The following PAK2 variants were observed in gnomAD, a reference collection of about 807,000 sequenced individuals.
The protein encoded by PAK2 is serine/threonine-protein kinase PAK 2.
PAK2 carries 21 observed loss-of-function variants against 65.9 expected under a neutral mutation model. The observed-to-expected ratio is 0.32, with a 90% CI of 0.23 to 0.46. The LOEUF (loss-of-function observed/expected upper bound fraction) is 0.46. PAK2 is among the 20% of genes least tolerant of loss of function. The pLI is 1.00. For missense variants in PAK2, 324 were observed against 642.6 expected (o/e 0.50, Z 5.36); for synonymous variants, 204 against 219.7 (o/e 0.93, Z 0.63).
intron 1 of PAK2, among the ~76,000 whole-genome samples, chr3:196,775,670 C>T (rs557523962): frequency 2.6e-5 from 4 of 152,030 alleles, no homozygotes; most frequent in Admixed American, 6.6e-5. Context: ...CGTGAGCCAC[C>T]GAAGGATAAC....
At chr3:196,762,839 T>A (rs1714031225) in intron 1 of PAK2, among the ~76,000 whole-genome samples, 1 of 151,730 alleles carries the variant, frequency 6.6e-6, no homozygotes, top group African/African-American at 2.4e-5. Flanking sequence ...GGTGACTGAA[T>A]TTCAAGGAAG....
intron 2 of PAK2, chr3:196,784,865 T>A (rs1368772948): frequency 6.6e-6 from 1 of 151,822 alleles, no homozygotes; most frequent in Non-Finnish European, 1.5e-5. Context: ...TGTTCCTATT[T>A]CTCCACATCC....
In PAK2 at chr3:196,765,209, G is replaced by A. The variant is rs199841614; in HGVS notation, c.-21-17417G>A. ...GTCACCCAGACTGGAGTGCAGTGGC[G>A]TGATCTCAGCTCACTGCAACCTTTG... is the stretch of plus-strand genomic sequence containing the variant. On this transcript the variant is annotated intron_variant, in intron 1 of 14. Transcript: ENST00000327134. Among the ~76,000 whole-genome samples, 10 of 146,254 alleles carry A rather than the reference G, an allele frequency of 6.8e-5. No individual in the cohort carries two copies. The East Asian group carries it at 1.4e-3, about 21-fold the overall frequency.
At chr3:196,807,093 G>C (rs1369471460) in intron 6 of PAK2, among the ~76,000 whole-genome samples, 2 of 152,072 alleles carry the variant, frequency 1.3e-5, no homozygotes, top group Non-Finnish European at 2.9e-5. Flanking sequence ...TCATTCAAAA[G>C]GCAGTTGAGA....
At chr3:196,823,279 C>A (rs192490437) in intron 13 of PAK2, among the ~76,000 whole-genome samples, 3 of 152,090 alleles carry the variant, frequency 2.0e-5, no homozygotes, top group Non-Finnish European at 4.4e-5. Context: ...AAAAGACTAA[C>A]GGGATCTGTT....
At chr3:196,742,946 T>G (rs1327645547) in intron 1 of PAK2, among the ~76,000 whole-genome samples, 1 of 152,144 alleles carries the variant, frequency 6.6e-6, no homozygotes, top group Non-Finnish European at 1.5e-5. Flanking sequence ...AAAAAGAAAC[T>G]GGGTCAACTT....
chr3:196,770,291 T>G (rs1194702508), intron 1 of PAK2, among the ~76,000 whole-genome samples: 1 of 151,982 alleles, frequency 6.6e-6, no homozygotes, highest in Non-Finnish European at 1.5e-5. Context: ...TTTGTCCTTT[T>G]GTGTTTGGCT....
intron 13 of PAK2, among the ~76,000 whole-genome samples, chr3:196,823,338 G>A (rs1485478172): frequency 6.6e-6 from 1 of 152,110 alleles, no homozygotes; most frequent in African/African-American, 2.4e-5. Context: ...AGTCTTACAG[G>A]GCTGCGTCTA....
chr3:196,806,112 C>T (rs986122991), intron 5 of PAK2, among the ~76,000 whole-genome samples: 7 of 151,674 alleles, frequency 4.6e-5, no homozygotes, highest in African/African-American at 1.2e-4. Context: ...GGGGTTTTAC[C>T]GTGTTAGCCA....
At chr3:196,803,604 G>A (rs1004782600) in intron 4 of PAK2, among the ~76,000 whole-genome samples, 3 of 152,110 alleles carry the variant, frequency 2.0e-5, no homozygotes, top group Non-Finnish European at 2.9e-5. Flanking sequence ...ATTGAAACTC[G>A]CAAGTGTGCA....
At chr3:196,747,868 C>CA (rs1713442036) in intron 1 of PAK2, among the ~76,000 whole-genome samples, 1 of 152,128 alleles carries the variant, frequency 6.6e-6, no homozygotes, top group Non-Finnish European at 1.5e-5. Context: ...AGCTTGTTCT[C>CA]ACGTTGGGAC....
chr3:196,798,554 A>C (rs1189661321), intron 2 of PAK2, among the ~76,000 whole-genome samples: 1 of 151,926 alleles, frequency 6.6e-6, no homozygotes, highest in Non-Finnish European at 1.5e-5. Context: ...ATGTTGGCCA[A>C]GCTGGTCTTG....
chr3:196,770,385 A>G (rs1714323340), intron 1 of PAK2, among the ~76,000 whole-genome samples: 1 of 151,862 alleles, frequency 6.6e-6, no homozygotes. Flanking sequence ...GTATGGTGGC[A>G]TGTACCTGTA....
In PAK2 at chr3:196,802,860, G is replaced by A. The variant is rs1468160795; in HGVS notation, c.289-157G>A. 2.0e-5 allele frequency among the ~76,000 whole-genome samples: 3 copies of A among 151,846 alleles called. No homozygotes were observed. The East Asian group carries it at 5.8e-4, about 29-fold the overall frequency. On this transcript the variant is annotated intron_variant, in intron 3 of 14. Coordinates refer to ENST00000327134, the MANE Select transcript of PAK2 (RefSeq NM_002577.4). ...GACTCTGTCTCAAAAAAAGAAAAAA[G>A]AAAAAATAGACCTTTAGAAAATGAG...
Position 196,757,088 on chromosome 3 carries a change from T to C in PAK2, c.-22+16931T>C, listed in dbSNP as rs145122202. On this transcript the variant is annotated intron_variant, in intron 1 of 14. Coordinates refer to ENST00000327134, the MANE Select transcript of PAK2 (RefSeq NM_002577.4). ...ACTGCACTGTCTAAGCTAATTCCGA[T>C]TGGCTATTTTAAAGAGACCAGGGGG... Among the ~76,000 whole-genome samples, 208 of 152,264 alleles carry C rather than the reference T, an allele frequency of 1.4e-3. 1 individual carries two copies. Among genetic ancestry groups the C allele is most frequent in the Non-Finnish European group, 7.9e-4 (54 of 68,020 alleles).
At chr3:196,781,120 G>A (rs1055920205) in intron 1 of PAK2, among the ~76,000 whole-genome samples, 1 of 152,010 alleles carries the variant, frequency 6.6e-6, no homozygotes, top group Non-Finnish European at 1.5e-5. Flanking sequence ...TTTTCTTCAG[G>A]TATAAGCATT....
chr3:196,814,581 CCTT>C lies in PAK2; in HGVS notation c.1053+17_1053+19del, dbSNP rs776075572. 6.8e-6 allele frequency: 7 copies of C among 1,023,480 alleles called. No individual in the cohort carries two copies. The highest frequency in any genetic ancestry group is 1.3e-5 in the South Asian group (1 of 76,338). The allele number at this position is 1,023,480 out of a possible 1,614,324, so 63.4% of individuals were successfully genotyped here. On this transcript the variant is annotated intron_variant, in intron 11 of 14. Transcript: ENST00000327134. The stretch of plus-strand genomic sequence containing the variant: ...TGTATGCAGAGAGGTAGGTTTGCCT[CCTT>C]CTTGATATGTTATGGTGATATGTGG...
chr3:196,741,697 A>G (rs1418835685), intron 1 of PAK2, among the ~76,000 whole-genome samples: 1 of 152,230 alleles, frequency 6.6e-6, no homozygotes, highest in Non-Finnish European at 1.5e-5. Context: ...AGTGGCTCCA[A>G]TACTCAGCTT....
chr3:196,792,157 A>G (rs912434066), intron 2 of PAK2, among the ~76,000 whole-genome samples: 2 of 152,164 alleles, frequency 1.3e-5, no homozygotes, highest in African/African-American at 2.4e-5. Flanking sequence ...TTTCCCAACT[A>G]TCTGCATAGA....
Sources: allele counts gnomAD v4.1 joint callset (sites outside exome capture counted in the v4.1 genomes callset), GRCh38; gene constraint gnomAD v4.1.1; transcripts MANE v1.5; gene names NCBI Gene and HGNC (gene_info 2026-07-23, HGNC 2026-07-21).